DIAPH1: variants seen among roughly 807,000 people sequenced by gnomAD.
The protein encoded by DIAPH1 is protein diaphanous homolog 1.
Under a neutral mutation model 140.7 loss-of-function variants are expected in DIAPH1, and 46 were observed. That is an observed-to-expected ratio of 0.33 (90% CI 0.26 to 0.42). The LOEUF (loss-of-function observed/expected upper bound fraction) is 0.42, where lower values mean the gene tolerates loss of function less well. Among genes scored for constraint, DIAPH1 ranks in the 10% least tolerant of loss-of-function variants. The pLI, the probability that DIAPH1 is intolerant of heterozygous loss-of-function variation, is 1.00. For synonymous variants in DIAPH1, 565 were observed against 551.6 expected, an observed-to-expected ratio of 1.02 and a Z score of -0.34; for missense variants, 1,310 against 1,558.7, an observed-to-expected ratio of 0.84 and a Z score of 2.69.
At chr5:141,598,877 T>C (rs1435439156) in intron 1 of DIAPH1, among the ~76,000 whole-genome samples, 1 of 152,208 alleles carries the variant, frequency 6.6e-6, no homozygotes, top group Non-Finnish European at 1.5e-5. Context: ...TGTGTATTAA[T>C]ACTTCAGCTT....
intron 1 of DIAPH1, among the ~76,000 whole-genome samples, chr5:141,615,003 TC>T (rs1260990949): frequency 6.6e-6 from 1 of 152,236 alleles, no homozygotes; most frequent in East Asian, 1.9e-4. Flanking sequence ...TTAATTTGTC[TC>T]CTTTTGGACA....
chr5:141,552,439 T>C (rs539562514), intron 18 of DIAPH1, among the ~76,000 whole-genome samples: 2 of 152,070 alleles, frequency 1.3e-5, no homozygotes, highest in African/African-American at 4.8e-5. Context: ...AGAAAGAGAT[T>C]TGAAGATGCT....
At chr5:141,535,390 C>T (rs1440952374) in intron 18 of DIAPH1, among the ~76,000 whole-genome samples, 3 of 152,208 alleles carry the variant, frequency 2.0e-5, no homozygotes, top group Admixed American at 6.5e-5. Flanking sequence ...TCTCATGAAA[C>T]GTTCCCTGAT....
chr5:141,548,177 C>T (rs980373900), intron 18 of DIAPH1, among the ~76,000 whole-genome samples: 5 of 149,464 alleles, frequency 3.3e-5, no homozygotes, highest in Admixed American at 1.3e-4. Flanking sequence ...CCAGCCTGGG[C>T]GACAGAGCAA....
chr5:141,516,917 G>A lies in DIAPH1; in HGVS notation c.3753C>T (p.Ser1251=). The stretch of plus-strand genomic sequence containing the variant: ...TTGTGGGGAATGTCTCACTGTTCTT[G>A]GACACCTTGGCAGGAACAGCAGCCA... ...DAMAAVPAKV[S]KNSETFPTIL... is the part of the protein sequence containing the mutation. Residue 1251 remains serine, a synonymous_variant, in exon 28 of 28, where the codon TCC becomes TCT. Coordinates refer to ENST00000389054, the MANE Select transcript of DIAPH1 (RefSeq NM_005219.5). 1 of 1,614,224 alleles carries A rather than the reference G, an allele frequency of 6.2e-7. No individual in the cohort carries two copies. Among genetic ancestry groups the A allele is most frequent in the Non-Finnish European group, 8.5e-7 (1 of 1,180,038 alleles).
Position 141,527,714 on chromosome 5 carries a change from A to AAAAAAAAAAAAT in DIAPH1, c.3149-18_3149-17insATTTTTTTTTTT. On this transcript the variant is annotated splice_polypyrimidine_tract_variant and intron_variant, in intron 23 of 27. Coordinates refer to ENST00000389054, the MANE Select transcript of DIAPH1 (RefSeq NM_005219.5). ...CAGCAGAAACTAAAAAAAAAAAAAA[A>AAAAAAAAAAAAT]AAAAAAAACCATAAAAACAGACAGC... The AAAAAAAAAAAAT allele has an allele frequency of 6.4e-7, 1 of 1,566,978 alleles. No homozygotes were observed. The highest frequency in any genetic ancestry group is 8.6e-7 in the Non-Finnish European group (1 of 1,158,626).
chr5:141,554,729 T>C (rs1257518235), intron 18 of DIAPH1, among the ~76,000 whole-genome samples: 1 of 152,172 alleles, frequency 6.6e-6, no homozygotes, highest in Non-Finnish European at 1.5e-5. Flanking sequence ...GTTTTAGGAA[T>C]GCAAAATCGG....
At chr5:141,583,967 G>A (rs1456496406) in intron 4 of DIAPH1, among the ~76,000 whole-genome samples, 157 bp downstream of exon 4, 1 of 152,026 alleles carries the variant, frequency 6.6e-6, no homozygotes, top group African/African-American at 2.4e-5. Context: ...TGTAAGAACG[G>A]TAACTAAATA....
chr5:141,585,316 G>C (rs935340692), intron 3 of DIAPH1, among the ~76,000 whole-genome samples: 1 of 152,050 alleles, frequency 6.6e-6, no homozygotes, highest in Non-Finnish European at 1.5e-5. Context: ...TGGCCCTCAA[G>C]CTAAGTCAAA....
chr5:141,517,991 C>A (rs982132994), intron 27 of DIAPH1, among the ~76,000 whole-genome samples: 2 of 152,190 alleles, frequency 1.3e-5, no homozygotes, highest in African/African-American at 4.8e-5. Context: ...CAGAACAGCA[C>A]AGAGCAACTG....
At chr5:141,590,363 G>A (rs2099898212) in intron 1 of DIAPH1, among the ~76,000 whole-genome samples, 1 of 152,192 alleles carries the variant, frequency 6.6e-6, no homozygotes, top group African/African-American at 2.4e-5. Context: ...CTTGCCATGA[G>A]AAAGGGTCCA....
intron 1 of DIAPH1, among the ~76,000 whole-genome samples, chr5:141,618,075 T>G (rs2099902977): frequency 6.6e-6 from 1 of 152,140 alleles, no homozygotes; most frequent in Non-Finnish European, 1.5e-5. Flanking sequence ...ATCATGAGAG[T>G]TCTAATCCTC....
intron 15 of DIAPH1, among the ~76,000 whole-genome samples, chr5:141,574,677 T>C (rs2099895705): frequency 6.6e-6 from 1 of 152,198 alleles, no homozygotes; most frequent in African/African-American, 2.4e-5. Context: ...TTTTAACAGT[T>C]TAGTTTTTAT....
intron 18 of DIAPH1, among the ~76,000 whole-genome samples, chr5:141,549,553 G>T (rs1389752343): frequency 6.6e-6 from 1 of 152,038 alleles, no homozygotes; most frequent in Non-Finnish European, 1.5e-5. Context: ...TGACATGTTA[G>T]AACAATGTAC....
At chr5:141,554,984 AG>A (rs1403523423) in intron 18 of DIAPH1, among the ~76,000 whole-genome samples, 1 of 152,132 alleles carries the variant, frequency 6.6e-6, no homozygotes, top group Non-Finnish European at 1.5e-5. Flanking sequence ...TGTAACTGGA[AG>A]GGGGGTACAT....
chr5:141,568,290 CAA>C (rs77400407), intron 18 of DIAPH1, among the ~76,000 whole-genome samples: 26 of 84,720 alleles, frequency 3.1e-4, no homozygotes, highest in Admixed American at 3.5e-4. Flanking sequence ...GAAAATGAAA[CAA>C]AAAAAAAAAA....
chr5:141,549,021 A>T (rs2099891275), intron 18 of DIAPH1, among the ~76,000 whole-genome samples: 2 of 152,206 alleles, frequency 1.3e-5, no homozygotes, highest in African/African-American at 4.8e-5. Context: ...AACAGAAAAA[A>T]GAACATAAAT....
chr5:141,529,302 G>C (rs2099887851), intron 20 of DIAPH1, 29 bp from the exon 21 acceptor site: 2 of 1,574,852 alleles, frequency 1.3e-6, no homozygotes, highest in African/African-American at 2.7e-5. Flanking sequence ...ATCTCAGCTG[G>C]AGGGGAATTC....
intron 18 of DIAPH1, among the ~76,000 whole-genome samples, chr5:141,553,281 C>A (rs549914080): frequency 4.0e-4 from 56 of 141,688 alleles, no homozygotes; most frequent in Non-Finnish European, 6.1e-4. Context: ...GACAGGCTGT[C>A]TTTTTTTTTT....
Sources: gnomAD v4.1 joint callset for allele counts (sites outside exome capture counted in the v4.1 genomes callset) on GRCh38, gnomAD v4.1.1 for gene constraint, MANE v1.5 for transcripts, NCBI Gene and HGNC (gene_info 2026-07-23, HGNC 2026-07-21) for gene names.